ABHD12: variants seen among roughly 807,000 people sequenced by gnomAD.
ABHD12 encodes lysophosphatidylserine lipase ABHD12.
Under a neutral mutation model 58.3 loss-of-function variants are expected in ABHD12, and 43 were observed. The ratio of observed to expected loss-of-function variants is 0.74; its 90% CI spans 0.58 to 0.95. The LOEUF is 0.95. Among genes scored for constraint, ABHD12 ranks in the 40% least tolerant of loss-of-function variants. The pLI, the probability that ABHD12 is intolerant of heterozygous loss-of-function variation, is 0.00. For missense variants in ABHD12, 539 were observed against 537.2 expected, an observed-to-expected ratio of 1.00 and a Z score of -0.03; for synonymous variants, 219 against 211.2, an observed-to-expected ratio of 1.04 and a Z score of -0.32.
chr20:25,295,340 A>G (rs2088524729), downstream of ABHD12, among the ~76,000 whole-genome samples: 1 of 152,266 alleles, frequency 6.6e-6, no homozygotes. Flanking sequence ...CACGTTTTAA[A>G]TGCCAGTTTA....
intron 1 of ABHD12, among the ~76,000 whole-genome samples, chr20:25,377,027 C>T (rs141829412): frequency 5.9e-4 from 90 of 152,332 alleles, no homozygotes; most frequent in African/African-American, 1.9e-3. Context: ...ATCTCCCAGG[C>T]GACCTCATAC....
chr20:25,360,836 A>C (rs1309251382), intron 1 of ABHD12, among the ~76,000 whole-genome samples: 2 of 152,200 alleles, frequency 1.3e-5, no homozygotes, highest in Non-Finnish European at 2.9e-5. Flanking sequence ...ACAACTGGAA[A>C]AACCCGTCTG....
At chr20:25,362,707 T>C (rs1161174029) in intron 1 of ABHD12, among the ~76,000 whole-genome samples, 1 of 151,240 alleles carries the variant, frequency 6.6e-6, no homozygotes, top group Non-Finnish European at 1.5e-5. Flanking sequence ...GGAGTTTCGC[T>C]CTTGTTGCCC....
At chr20:25,339,438 C>A (rs1046453995) in intron 1 of ABHD12, 87 bp from the exon 2 acceptor site, 1 of 1,592,396 alleles carries the variant, frequency 6.3e-7, no homozygotes, top group African/African-American at 1.3e-5. Flanking sequence ...AATCCCTAAA[C>A]AAGAGCCACA....
intron 6 of ABHD12, 77 bp downstream of exon 6, chr20:25,314,848 C>T (rs1358308309): frequency 3.9e-6 from 6 of 1,528,136 alleles, no homozygotes; most frequent in Middle Eastern, 3.4e-4. Context: ...CGAGCCTCTT[C>T]GAGTGAGGCC....
Position 25,308,481 on chromosome 20 carries a change from G to T in ABHD12, c.763C>A (p.Leu255Met). 1 of 1,611,826 alleles carries T rather than the reference G, an allele frequency of 6.2e-7. No homozygotes were observed. The highest frequency in any genetic ancestry group is 8.5e-7 in the Non-Finnish European group (1 of 1,179,030). The part of the protein sequence containing the change: ...HSLGTGVATN[L>M]VRRLCERETP... ...CCTCGCTCACAGAGGCGCCGCACCA[G>T]ATTTGTCGCCACGCTAGGAAAAAAG... The change falls in exon 8 of 13, where the codon CTG (leucine) becomes ATG (methionine). Residue 255 changes from leucine (L) to methionine (M), a missense_variant. Physicochemically the swap from Leu to Met is conservative, Grantham distance 15. Coordinates refer to ENST00000339157, the MANE Select transcript of ABHD12 (RefSeq NM_001042472.3).
chr20:25,379,314 G>C (rs1198157656), intron 1 of ABHD12, among the ~76,000 whole-genome samples: 1 of 152,198 alleles, frequency 6.6e-6, no homozygotes, highest in Non-Finnish European at 1.5e-5. Context: ...AGCTCAGACT[G>C]CGCCCACGTG....
chr20:25,368,024 A>G (rs1033606353), intron 1 of ABHD12, among the ~76,000 whole-genome samples: 5 of 152,230 alleles, frequency 3.3e-5, no homozygotes, highest in African/African-American at 1.2e-4. Flanking sequence ...AACAGTGTGC[A>G]AGGGTTCCAA....
chr20:25,354,788 G>A (rs1454530450), intron 1 of ABHD12, among the ~76,000 whole-genome samples: 1 of 152,042 alleles, frequency 6.6e-6, no homozygotes, highest in Non-Finnish European at 1.5e-5. Context: ...AAATTAACTT[G>A]TCTGGTTTCC....
At chr20:25,350,045 T>G (rs557545689) in intron 1 of ABHD12, among the ~76,000 whole-genome samples, 8 of 152,274 alleles carry the variant, frequency 5.3e-5, no homozygotes, top group Non-Finnish European at 1.2e-4. Flanking sequence ...GCTTACAAAG[T>G]TAGTAAAATT....
intron 1 of ABHD12, among the ~76,000 whole-genome samples, chr20:25,386,847 C>CG: frequency 6.6e-6 from 1 of 152,056 alleles, no homozygotes; most frequent in East Asian, 1.9e-4. Flanking sequence ...TGCCACTGCA[C>CG]TCCAGCCTGG....
At position 25,300,405 on chromosome 20, in the gene ABHD12, G is replaced by C; in HGVS notation, c.*440C>G. The C allele has an allele frequency of 8.8e-7, 1 of 1,138,630 alleles. No individual in the cohort carries two copies. The highest frequency in any genetic ancestry group is 2.1e-5 in the South Asian group (1 of 47,198). The allele number at this position is 1,138,630 out of a possible 1,614,324, so 70.5% of individuals were successfully genotyped here. ...GCAGGAGGGGACGATGGAACCACTG[G>C]AGTCATTCTGCATGTGCTGGGAAGG... is the stretch of plus-strand genomic sequence containing the variant. On this transcript the variant is annotated 3_prime_UTR_variant, in exon 13 of 13. Coordinates refer to ENST00000339157, the MANE Select transcript of ABHD12 (RefSeq NM_001042472.3).
intron 2 of ABHD12, among the ~76,000 whole-genome samples, chr20:25,332,530 T>C (rs2089295430): frequency 6.6e-6 from 1 of 151,688 alleles, no homozygotes; most frequent in African/African-American, 2.4e-5. Flanking sequence ...ACCACACCTA[T>C]TCCAAAATTG....
At chr20:25,354,313 A>G (rs527548512) in intron 1 of ABHD12, among the ~76,000 whole-genome samples, 1 of 152,274 alleles carries the variant, frequency 6.6e-6, no homozygotes, top group Admixed American at 6.5e-5. Flanking sequence ...CAGGGTGCAC[A>G]CTGTCCTGGA....
intron 2 of ABHD12, among the ~76,000 whole-genome samples, chr20:25,329,848 G>A (rs2089239103): frequency 6.6e-6 from 1 of 152,202 alleles, no homozygotes; most frequent in Admixed American, 6.5e-5. Flanking sequence ...GAAAAAAGGG[G>A]ATAAGAAAAG....
chr20:25,390,648 C>G lies in ABHD12; in HGVS notation c.56G>C (p.Gly19Ala). Reference protein sequence around the residue: ...ALEHERCAAAGSSSSGSAAAA... With the variant: ...ALEHERCAAAASSSSGSAAAA... ...GGCGGCCGAGCCGGAGGAGGACGAGCCCGCGGCGGCGCAGCGCTCATGCTC... is the reference window on the plus strand; with the variant it reads ...GGCGGCCGAGCCGGAGGAGGACGAGGCCGCGGCGGCGCAGCGCTCATGCTC... Residue 19 changes from glycine to alanine, a missense_variant, in exon 1 of 13, where the codon GGC (glycine) becomes GCC (alanine). Coordinates refer to ENST00000339157, the MANE Select transcript of ABHD12 (RefSeq NM_001042472.3). The G allele has an allele frequency of 6.9e-7, 1 of 1,444,710 alleles. No individual in the cohort carries two copies. The highest frequency in any genetic ancestry group is 9.1e-7 in the Non-Finnish European group (1 of 1,103,226). The allele number at this position is 1,444,710 out of a possible 1,614,324, so 89.5% of individuals were successfully genotyped here.
intron 10 of ABHD12, among the ~76,000 whole-genome samples, 192 bp from the exon 11 acceptor site, chr20:25,303,820 C>G (rs906671874): frequency 1.3e-5 from 2 of 152,178 alleles, no homozygotes; most frequent in African/African-American, 4.8e-5. Flanking sequence ...AGCTAGATGA[C>G]AGGTGTCAAT....
At chr20:25,385,299 T>C (rs1406934921) in intron 1 of ABHD12, among the ~76,000 whole-genome samples, 2 of 134,404 alleles carry the variant, frequency 1.5e-5, no homozygotes, top group Non-Finnish European at 3.0e-5. Context: ...ATCATGCCAT[T>C]GCACTCCAAC....
At chr20:25,344,872 G>A (rs2089497811) in intron 1 of ABHD12, among the ~76,000 whole-genome samples, 1 of 152,182 alleles carries the variant, frequency 6.6e-6, no homozygotes, top group Admixed American at 6.5e-5. Flanking sequence ...TGACAAAGGA[G>A]CAAGGGCAAT....
Sources: allele counts gnomAD v4.1 joint callset (sites outside exome capture counted in the v4.1 genomes callset), GRCh38; gene constraint gnomAD v4.1.1; transcripts MANE v1.5; gene names NCBI Gene and HGNC (gene_info 2026-07-23, HGNC 2026-07-21).